DDX10: variants seen among roughly 807,000 people sequenced by gnomAD.
DDX10 encodes DEAD-box helicase 10, also known as probable ATP-dependent RNA helicase DDX10.
DDX10 carries 74 observed loss-of-function variants against 104.3 expected under a neutral mutation model. The ratio of observed to expected loss-of-function variants is 0.71; its 90% CI spans 0.59 to 0.86. The LOEUF (loss-of-function observed/expected upper bound fraction) is 0.86, where lower values mean the gene tolerates loss of function less well. DDX10 is among the 40% of genes least tolerant of loss of function. The probability of loss-of-function intolerance (pLI) is 0.00; values close to 1 mark genes in which losing one functional copy is unlikely to be tolerated. For synonymous variants in DDX10, 351 were observed against 353.4 expected, an observed-to-expected ratio of 0.99 and a Z score of 0.08; for missense variants, 952 against 1,040.0, an observed-to-expected ratio of 0.92 and a Z score of 1.16.
intron 6 of DDX10, among the ~76,000 whole-genome samples, chr11:108,682,147 C>G (rs1262702140): frequency 6.6e-6 from 1 of 151,066 alleles, no homozygotes; most frequent in Admixed American, 6.6e-5. Flanking sequence ...CTCTGTCGCC[C>G]AGGCTGGAGT....
chr11:108,915,447 G>T (rs557357809), intron 16 of DDX10, among the ~76,000 whole-genome samples: 232 of 141,642 alleles, frequency 1.6e-3, no homozygotes, highest in Admixed American at 3.9e-3. Context: ...TTTTTTTTTG[G>T]TTTTTTTTTT....
At position 108,940,538 on chromosome 11, in the gene DDX10, C is replaced by A; in HGVS notation, c.*115C>A. Reference sequence around the variant, plus strand: ...TACCATATGCCCCATTCCCAAAGGGCACATTTCTGGATAGAAGCGATCGTA... The same window carrying A: ...TACCATATGCCCCATTCCCAAAGGGAACATTTCTGGATAGAAGCGATCGTA... On this transcript the variant is annotated 3_prime_UTR_variant, in exon 18 of 18. Transcript: ENST00000322536. The A allele has an allele frequency of 9.7e-7, 1 of 1,025,906 alleles. No homozygotes were observed. Among genetic ancestry groups the A allele is most frequent in the African/African-American group, 1.6e-5 (1 of 62,286 alleles). The allele number at this position is 1,025,906 out of a possible 1,614,324, so 63.6% of individuals were successfully genotyped here. A position where few individuals can be genotyped will look rare whatever the true frequency, so the allele number is the denominator to read the frequency against.
chr11:108,924,283 A>G (rs1378436055), intron 17 of DDX10, among the ~76,000 whole-genome samples: 2 of 152,324 alleles, frequency 1.3e-5, no homozygotes, highest in African/African-American at 4.8e-5. Context: ...TCTCTGAGGC[A>G]GGTAGCTTCC....
At chr11:108,841,640 T>TG (rs1862640413) in intron 15 of DDX10, among the ~76,000 whole-genome samples, 164 bp downstream of exon 15, 1 of 152,198 alleles carries the variant, frequency 6.6e-6, no homozygotes, top group Non-Finnish European at 1.5e-5. Context: ...GTTCCTTTGC[T>TG]GGGGGAGTCT....
intron 6 of DDX10, among the ~76,000 whole-genome samples, chr11:108,688,578 A>T (rs1340812290): frequency 6.6e-6 from 1 of 152,156 alleles, no homozygotes; most frequent in African/African-American, 2.4e-5. Context: ...GTTGAATTTG[A>T]TGAATGTGTA....
intron 16 of DDX10, among the ~76,000 whole-genome samples, chr11:108,873,294 C>T (rs1464847078): frequency 6.6e-6 from 1 of 152,000 alleles, no homozygotes; most frequent in East Asian, 1.9e-4. Context: ...ACATTTTGTC[C>T]ATAAGTAGGA....
intron 11 of DDX10, 106 bp from the exon 12 acceptor site, chr11:108,719,691 T>G (rs1210738494): frequency 9.5e-6 from 6 of 634,444 alleles, no homozygotes; most frequent in Admixed American, 3.1e-5. Flanking sequence ...ATTTCGTGGT[T>G]TTTCAGTACT....
intron 9 of DDX10, among the ~76,000 whole-genome samples, chr11:108,700,261 A>T (rs1251122608): frequency 6.6e-6 from 1 of 152,224 alleles, no homozygotes; most frequent in Non-Finnish European, 1.5e-5. Context: ...ATTTGTATGA[A>T]TAAACTCATT....
At chr11:108,925,483 G>T (rs1863897015) in intron 17 of DDX10, among the ~76,000 whole-genome samples, 1 of 152,176 alleles carries the variant, frequency 6.6e-6, no homozygotes, top group Admixed American at 6.5e-5. Flanking sequence ...TCTGGCAGCT[G>T]CCCTAACTCT....
chr11:108,931,919 AG>A (rs1196301204), intron 17 of DDX10, among the ~76,000 whole-genome samples: 8 of 151,978 alleles, frequency 5.3e-5, no homozygotes, highest in Admixed American at 6.5e-5. Context: ...AAAAGCAGTA[AG>A]GTTGGTCTGA....
intron 16 of DDX10, among the ~76,000 whole-genome samples, chr11:108,876,210 T>C (rs1296875294): frequency 1.3e-5 from 2 of 152,226 alleles, no homozygotes; most frequent in African/African-American, 4.8e-5. Context: ...TTTTTGTGAT[T>C]TGACTCTTAG....
chr11:108,782,647 C>G (rs1295941886), intron 13 of DDX10, among the ~76,000 whole-genome samples: 5 of 152,006 alleles, frequency 3.3e-5, no homozygotes, highest in African/African-American at 1.2e-4. Context: ...CATATTCATT[C>G]CACAAATGAA....
At chr11:108,682,352 G>A (rs766434881) in intron 6 of DDX10, among the ~76,000 whole-genome samples, 19 of 152,066 alleles carry the variant, frequency 1.2e-4, no homozygotes, top group Admixed American at 5.2e-4. Flanking sequence ...TGATCCACCC[G>A]CCTCGGCCTC....
At chr11:108,834,379 C>T (rs940145439) in intron 13 of DDX10, among the ~76,000 whole-genome samples, 16 of 152,178 alleles carry the variant, frequency 1.1e-4, no homozygotes, top group Middle Eastern at 3.4e-3. Flanking sequence ...GCTTGTATGG[C>T]ATTAACTACA....
chr11:108,765,834 A>G (rs2094355775), intron 13 of DDX10, among the ~76,000 whole-genome samples: 1 of 152,208 alleles, frequency 6.6e-6, no homozygotes, highest in African/African-American at 2.4e-5. Flanking sequence ...GAAGGTATTA[A>G]ATGGACTAGA....
chr11:108,740,401 G>A (rs533180016), intron 13 of DDX10, among the ~76,000 whole-genome samples: 1 of 152,246 alleles, frequency 6.6e-6, no homozygotes, highest in East Asian at 1.9e-4. Flanking sequence ...TGAGCATTTA[G>A]GTTGATTCCA....
chr11:108,720,032 T>G, intron 12 of DDX10, 147 bp downstream of exon 12: 3 of 633,890 alleles, frequency 4.7e-6, no homozygotes, highest in Non-Finnish European at 8.4e-6. Context: ...CTTCCTGAAG[T>G]GTTAGGACTA....
At chr11:108,759,052 C>T (rs926418252) in intron 13 of DDX10, among the ~76,000 whole-genome samples, 4 of 152,010 alleles carry the variant, frequency 2.6e-5, no homozygotes, top group Admixed American at 2.6e-4. Flanking sequence ...AAAATACCAC[C>T]TATAGTAGTG....
chr11:108,711,306 T>C (rs1281487719), intron 10 of DDX10, among the ~76,000 whole-genome samples: 1 of 152,224 alleles, frequency 6.6e-6, no homozygotes, highest in African/African-American at 2.4e-5. Flanking sequence ...TCTCCATGTA[T>C]TTTAGAATTT....
Sources: gnomAD v4.1 joint callset for allele counts (sites outside exome capture counted in the v4.1 genomes callset) on GRCh38, gnomAD v4.1.1 for gene constraint, MANE v1.5 for transcripts, NCBI Gene and HGNC (gene_info 2026-07-23, HGNC 2026-07-21) for gene names.